CNTN1: variants seen among roughly 807,000 people sequenced by gnomAD.
The protein encoded by CNTN1 is contactin-1.
CNTN1 carries 38 observed loss-of-function variants against 126.4 expected under a neutral mutation model. The ratio of observed to expected loss-of-function variants is 0.30; its 90% CI spans 0.23 to 0.39. The LOEUF (loss-of-function observed/expected upper bound fraction) is 0.39, where lower values mean the gene tolerates loss of function less well. Among genes scored for constraint, CNTN1 ranks in the 10% least tolerant of loss-of-function variants. CNTN1 has a pLI of 1.00. For missense variants in CNTN1, 1,009 were observed against 1,248.4 expected (o/e 0.81, Z 2.89); for synonymous variants, 413 against 422.6 (o/e 0.98, Z 0.28).
Position 40,950,565 on chromosome 12 carries a change from C to T in CNTN1, c.1683+6395C>T, listed in dbSNP as rs574293790. 6.6e-5 allele frequency among the ~76,000 whole-genome samples: 10 copies of T among 152,186 alleles called. No individual in the cohort carries two copies. In the South Asian group the frequency reaches 1.2e-3, roughly 19 times the overall value. On this transcript the variant is annotated intron_variant, in intron 14 of 23. Transcript: ENST00000551295. Reference sequence around the variant, plus strand: ...GACACACAAAACATACAAAAGCATTCGGCCAATGTCAAATTGCTCTATTTT... The same window carrying T: ...GACACACAAAACATACAAAAGCATTTGGCCAATGTCAAATTGCTCTATTTT...
rs898285450 is a variant in CNTN1, at chr12:41,071,096, A to AATAATG, written c.*1066_*1067insGATAAT. 3 of 151,644 alleles carry AATAATG rather than the reference A, an allele frequency of 2.0e-5. No individual in the cohort carries two copies. The highest frequency in any genetic ancestry group is 6.6e-5 in the Admixed American group (1 of 15,230). 9.4% of individuals were successfully genotyped at this position (151,644 alleles called of 1,614,324 possible). A position where few individuals can be genotyped will look rare whatever the true frequency, so the allele number is the denominator to read the frequency against. On this transcript the variant is annotated 3_prime_UTR_variant, in exon 24 of 24. Transcript: ENST00000551295. ...TTGTAAAAATAACAATAATAATAATAATAATAATTAGTTTTAAGCTCATTT... is the reference window on the plus strand; with the variant it reads ...TTGTAAAAATAACAATAATAATAATAATAATGATAATAATTAGTTTTAAGCTCATTT...
At position 41,028,213 on chromosome 12, in the gene CNTN1, G is replaced by A. The variant is rs55639255; in HGVS notation, c.2823+244G>A. 0.034 allele frequency among the ~76,000 whole-genome samples: 5,142 copies of A among 152,090 alleles called. 116 individuals carry two copies. Among genetic ancestry groups the A allele is most frequent in the Middle Eastern group, 0.11 (33 of 294 alleles). On this transcript the variant is annotated intron_variant, in intron 22 of 23. Coordinates refer to ENST00000551295, the MANE Select transcript of CNTN1 (RefSeq NM_001843.4). Reference sequence around the variant, plus strand: ...CACCCGGCTAATTTTTGTATTTTTAGTAGAGACAGGGTTTCACCGTCTTGG... The same window carrying A: ...CACCCGGCTAATTTTTGTATTTTTAATAGAGACAGGGTTTCACCGTCTTGG...
rs767187662 is a variant in CNTN1, at chr12:40,922,387, A to G, written c.359A>G (p.Tyr120Cys). ...TACTACTGTTTAGCATCTAATAACT[A>G]CGGGATGGTCAGAAGCACTGAAGCA... The part of the protein sequence containing the change: ...GIYYCLASNN[Y>C]GMVRSTEATL... Residue 120 changes from tyrosine to cysteine, a missense_variant, in exon 5 of 24, where the codon TAC (tyrosine) becomes TGC (cysteine). Tyr to Cys is a radical substitution (Grantham distance 194). Transcript: ENST00000551295. 1.2e-6 allele frequency: 2 copies of G among 1,614,084 alleles called. No homozygotes were observed. Among genetic ancestry groups the G allele is most frequent in the Admixed American group, 1.7e-5 (1 of 60,008 alleles).
At chr12:41,051,783 A>C in intron 23 of CNTN1, among the ~76,000 whole-genome samples, 1 of 152,032 alleles carries the variant, frequency 6.6e-6, no homozygotes, top group Admixed American at 6.6e-5. Flanking sequence ...AAATTCCTGC[A>C]TACTATGTAT....
intron 1 of CNTN1, among the ~76,000 whole-genome samples, chr12:40,732,401 T>A (rs1347221098): frequency 4.6e-5 from 7 of 152,082 alleles, no homozygotes; most frequent in Admixed American, 4.6e-4. Context: ...TAATTTATCA[T>A]AATGATTTAT....
chr12:40,941,970 G>A (rs1946277243), intron 12 of CNTN1, among the ~76,000 whole-genome samples: 2 of 152,166 alleles, frequency 1.3e-5, no homozygotes, highest in South Asian at 4.1e-4. Flanking sequence ...GTATAAATGA[G>A]ACGAATGACA....
At position 40,943,666 on chromosome 12, in the gene CNTN1, A is replaced by G. The variant is rs763469800; in HGVS notation, c.1449A>G (p.Thr483=). The change falls in exon 13 of 24, where the codon ACA becomes ACG. Residue 483 remains threonine, a synonymous_variant. Transcript: ENST00000551295. ...CAAGGAATGATGGAGGTATCTATAC[A>G]TGCTTTGCAGAAAATAACAGAGGGA... ...NITRNDGGIY[T]CFAENNRGKA... 8 of 1,611,570 alleles carry G rather than the reference A, an allele frequency of 5.0e-6. No individual in the cohort carries two copies. The Admixed American group carries it at 5.0e-5, about 10-fold the overall frequency.
At chr12:40,775,785 A>T (rs1031917165) in intron 1 of CNTN1, among the ~76,000 whole-genome samples, 6 of 151,614 alleles carry the variant, frequency 4.0e-5, no homozygotes, top group African/African-American at 1.4e-4. Context: ...TTAGACACAA[A>T]TAACTAAGAC....
At chr12:40,793,151 G>T (rs890548509) in intron 1 of CNTN1, among the ~76,000 whole-genome samples, 1 of 152,068 alleles carries the variant, frequency 6.6e-6, no homozygotes, top group African/African-American at 2.4e-5. Flanking sequence ...TACCTGTGAG[G>T]CTTCATCTGA....
At chr12:40,698,904 A>T (rs1056426451) in intron 1 of CNTN1, among the ~76,000 whole-genome samples, 2 of 152,128 alleles carry the variant, frequency 1.3e-5, no homozygotes, top group Non-Finnish European at 2.9e-5. Context: ...CTCCTAATGC[A>T]TCTTGTTTCC....
intron 1 of CNTN1, among the ~76,000 whole-genome samples, chr12:40,888,347 A>G (rs911368400): frequency 6.6e-6 from 1 of 152,138 alleles, no homozygotes; most frequent in Non-Finnish European, 1.5e-5. Context: ...ATTTCTAATT[A>G]CCCATATTCT....
At chr12:40,781,434 T>C (rs1939798778) in intron 1 of CNTN1, among the ~76,000 whole-genome samples, 1 of 152,012 alleles carries the variant, frequency 6.6e-6, no homozygotes, top group South Asian at 2.1e-4. Context: ...AGTCCTCTAT[T>C]GAGTATGTGT....
At chr12:40,933,374 G>T in intron 7 of CNTN1, 87 bp from the exon 8 acceptor site, 1 of 939,610 alleles carries the variant, frequency 1.1e-6, no homozygotes, top group Non-Finnish European at 1.8e-6. Flanking sequence ...TGTTGGAGCA[G>T]CTCTAATCCT....
At chr12:40,806,849 T>G (rs1479226749) in intron 1 of CNTN1, among the ~76,000 whole-genome samples, 1 of 152,130 alleles carries the variant, frequency 6.6e-6, no homozygotes, top group Non-Finnish European at 1.5e-5. Context: ...CTTTTTGACT[T>G]ATGGGTTACA....
intron 1 of CNTN1, among the ~76,000 whole-genome samples, chr12:40,723,951 A>T (rs1942285134): frequency 6.6e-6 from 1 of 152,192 alleles, no homozygotes; most frequent in African/African-American, 2.4e-5. Flanking sequence ...AAAGAGAATT[A>T]TAAATTATAA....
At chr12:40,705,231 T>A (rs139793062) in intron 1 of CNTN1, among the ~76,000 whole-genome samples, 3 of 152,346 alleles carry the variant, frequency 2.0e-5, no homozygotes, top group African/African-American at 7.2e-5. Flanking sequence ...GAATTAAAAT[T>A]TGTCAGCCTT....
intron 1 of CNTN1, among the ~76,000 whole-genome samples, chr12:40,851,219 T>C (rs1335434322): frequency 6.6e-6 from 1 of 152,222 alleles, no homozygotes; most frequent in African/African-American, 2.4e-5. Context: ...AATAACATTT[T>C]AGTAAAATTA....
intron 2 of CNTN1, 40 bp downstream of exon 2, chr12:40,908,533 A>G: frequency 1.3e-5 from 17 of 1,344,244 alleles, no homozygotes; most frequent in Non-Finnish European, 1.7e-5. Context: ...ATATTATGTC[A>G]ACATAATTGA....
At chr12:40,736,318 A>G (rs1372309825) in intron 1 of CNTN1, among the ~76,000 whole-genome samples, 1 of 152,172 alleles carries the variant, frequency 6.6e-6, no homozygotes, top group African/African-American at 2.4e-5. Flanking sequence ...ATTCTAATTT[A>G]TCTCTCAGAC....
Sources: gnomAD v4.1 joint callset for allele counts (sites outside exome capture counted in the v4.1 genomes callset) on GRCh38, gnomAD v4.1.1 for gene constraint, MANE v1.5 for transcripts, NCBI Gene and HGNC (gene_info 2026-07-23, HGNC 2026-07-21) for gene names.